The following CEP44 variants were observed in gnomAD, a reference collection of about 807,000 sequenced individuals.
CEP44 encodes the protein centrosomal protein 44, also known as centrosomal protein of 44 kDa.
Under a neutral mutation model 46.7 loss-of-function variants are expected in CEP44, and 45 were observed. The ratio of observed to expected loss-of-function variants is 0.96; its 90% CI spans 0.76 to 1.24. The LOEUF (loss-of-function observed/expected upper bound fraction) is 1.24. Among genes scored for constraint, CEP44 ranks in the 50% most tolerant of loss-of-function variants. CEP44 has a pLI of 0.00. For missense variants in CEP44, 475 were observed against 459.7 expected (o/e 1.03, Z -0.30); for synonymous variants, 142 against 146.0 (o/e 0.97, Z 0.20).
chr4:174,322,188 A>G (rs1359802423), downstream of CEP44, among the ~76,000 whole-genome samples: 2 of 152,180 alleles, frequency 1.3e-5, no homozygotes, highest in Non-Finnish European at 2.9e-5. Context: ...AAAGTTTAAA[A>G]GCATTTCAGT....
At chr4:174,327,078 T>C (rs1322757799) in intron 8 of CEP44, among the ~76,000 whole-genome samples, 8 of 150,692 alleles carry the variant, frequency 5.3e-5, no homozygotes, top group Non-Finnish European at 1.2e-4. Context: ...TACTTCTAGA[T>C]AGGAGCCATA....
At chr4:174,315,341 T>C (rs1741544374) in intron 9 of CEP44, among the ~76,000 whole-genome samples, 1 of 152,108 alleles carries the variant, frequency 6.6e-6, no homozygotes, top group Non-Finnish European at 1.5e-5. Flanking sequence ...GATATTTTTG[T>C]AGGGGAGATG....
intron 9 of CEP44, among the ~76,000 whole-genome samples, chr4:174,313,390 A>C (rs1230610578): frequency 6.9e-6 from 1 of 145,388 alleles, no homozygotes; most frequent in Non-Finnish European, 1.5e-5. Context: ...GGAAAAAAAA[A>C]AAAAAGGTGT....
At position 174,286,278 on chromosome 4, in the gene CEP44, C is replaced by T. The variant is rs1248217004; in HGVS notation, c.-148+2335C>T. Among the ~76,000 whole-genome samples, 1 of 152,060 alleles carries T rather than the reference C, an allele frequency of 6.6e-6. No individual in the cohort carries two copies. Among genetic ancestry groups the T allele is most frequent in the Non-Finnish European group, 1.5e-5 (1 of 68,002 alleles). On this transcript the variant is annotated intron_variant, in intron 1 of 11. Transcript: ENST00000503780. This position sits in a 1 kb window ranked among gnomAD's most constrained non-coding sequence, Gnocchi z 5.2. ...ATTTAGGATTTTGTAAATCGGTGAC[C>T]TTCTTACCTTTCCTTATTTAAAGAT... is the stretch of plus-strand genomic sequence containing the variant.
intron 1 of CEP44, among the ~76,000 whole-genome samples, chr4:174,284,518 C>T (rs984167505): frequency 6.6e-6 from 1 of 152,172 alleles, no homozygotes; most frequent in African/African-American, 2.4e-5. Flanking sequence ...ATTTCTCCAC[C>T]TTTATTGAAG....
At position 174,314,760 on chromosome 4, in the gene CEP44, T is replaced by G. The variant is rs1741468301; in HGVS notation, c.962-1406T>G. On this transcript the variant is annotated intron_variant, in intron 9 of 11. Transcript: ENST00000503780. This position sits in a 1 kb window ranked among gnomAD's most constrained non-coding sequence, Gnocchi z 4.1. ...TCCTGCCTAATTTCAAATTATTTCT[T>G]AAAATAACCTCTTGTCCATAGCTCC... Among the ~76,000 whole-genome samples, 1 of 152,202 alleles carries G rather than the reference T, an allele frequency of 6.6e-6. No homozygotes were observed. Among genetic ancestry groups the G allele is most frequent in the Non-Finnish European group, 1.5e-5 (1 of 68,028 alleles).
chr4:174,284,544 C>T (rs1737345484), intron 1 of CEP44, among the ~76,000 whole-genome samples: 1 of 152,170 alleles, frequency 6.6e-6, no homozygotes, highest in Non-Finnish European at 1.5e-5. Context: ...AGATTTTTCC[C>T]TCACTGTAAC....
exon 9 of CEP44, chr4:174,332,457 A>G (rs186385620): frequency 1.3e-5 from 2 of 152,330 alleles, no homozygotes; most frequent in East Asian, 3.9e-4. Flanking sequence ...TCCATAGGCC[A>G]TATGTAATAG....
chr4:174,299,908 T>C (rs571851370), intron 3 of CEP44, among the ~76,000 whole-genome samples: 57 of 152,328 alleles, frequency 3.7e-4, no homozygotes, highest in African/African-American at 1.3e-3. Context: ...TCATGACACT[T>C]ACCCTTAACC....
rs879508698 is a variant in CEP44, at chr4:174,290,768, A to G, written c.-148+6825A>G. On this transcript the variant is annotated intron_variant, in intron 1 of 11. Transcript: ENST00000503780. The surrounding 1 kb of genome is among the most constrained non-coding windows in gnomAD (Gnocchi z 4.3). ...GTATCAAAGTCTCCTTCTATATTGT[A>G]TCGATATCTATTTCTTCCTTCAAAT... Among the ~76,000 whole-genome samples, 3 of 152,320 alleles carry G rather than the reference A, an allele frequency of 2.0e-5. No homozygotes were observed. The highest frequency in any genetic ancestry group is 2.9e-5 in the Non-Finnish European group (2 of 68,018).
At position 174,329,133 on chromosome 4, in the gene CEP44, C is replaced by T. The variant is rs1401272478; in HGVS notation, c.1087-2349C>T. ...GGATTTTTTTTTATTGGTATTTTTT[C>T]GGATTTGGGATCTCACTATGCTGCC... On this transcript the variant is annotated intron_variant, in intron 8 of 8. Coordinates refer to the CEP44 transcript ENST00000426172. This position sits in a 1 kb window ranked among gnomAD's most constrained non-coding sequence, Gnocchi z 4.0. 1.3e-5 allele frequency among the ~76,000 whole-genome samples: 2 copies of T among 151,722 alleles called. No individual in the cohort carries two copies. Among genetic ancestry groups the T allele is most frequent in the Non-Finnish European group, 1.5e-5 (1 of 67,944 alleles).
Position 174,290,112 on chromosome 4 carries a change from C to G in CEP44, c.-148+6169C>G, listed in dbSNP as rs145731123. 1.3e-5 allele frequency among the ~76,000 whole-genome samples: 2 copies of G among 152,242 alleles called. No individual in the cohort carries two copies. The highest frequency in any genetic ancestry group is 3.9e-4 in the East Asian group (2 of 5,180). On this transcript the variant is annotated intron_variant, in intron 1 of 11. Transcript: ENST00000503780. This position sits in a 1 kb window ranked among gnomAD's most constrained non-coding sequence, Gnocchi z 4.3. ...CTAGTGACCCGCCTGCCTCAGCCCCCAAAAGTGCTAGGATTATAGGCGTGA... is the reference window on the plus strand; with the variant it reads ...CTAGTGACCCGCCTGCCTCAGCCCCGAAAAGTGCTAGGATTATAGGCGTGA...
At chr4:174,313,145 G>A (rs1433213426) in intron 9 of CEP44, among the ~76,000 whole-genome samples, 2 of 150,770 alleles carry the variant, frequency 1.3e-5, no homozygotes, top group African/African-American at 2.5e-5. Flanking sequence ...TCATTTATGT[G>A]GTTACATGGT....
chr4:174,312,165 A>G lies in CEP44; in HGVS notation c.961+1307A>G, dbSNP rs1459793048. ...ATTGAATGCTTGTGATTTGCAAAAC[A>G]TTGCCTTTTTCAAGTTTGATTTTGC... On this transcript the variant is annotated intron_variant, in intron 9 of 11. Coordinates refer to ENST00000503780, the MANE Select transcript of CEP44 (RefSeq NM_001040157.3). The surrounding 1 kb of genome is among the most constrained non-coding windows in gnomAD (Gnocchi z 4.5). Among the ~76,000 whole-genome samples the G allele has an allele frequency of 6.6e-6, 1 of 151,886 alleles. No individual in the cohort carries two copies. The highest frequency in any genetic ancestry group is 1.5e-5 in the Non-Finnish European group (1 of 67,964).
At chr4:174,322,467 ATAGTT>A (rs1205004022), downstream of CEP44, among the ~76,000 whole-genome samples, 1 of 152,112 alleles carries the variant, frequency 6.6e-6, no homozygotes, top group Non-Finnish European at 1.5e-5. Flanking sequence ...GGTCCCTAGA[ATAGTT>A]TAGATTCCCT....
At chr4:174,298,990 A>G (rs549454056) in intron 2 of CEP44, 82 bp from the exon 3 acceptor site, 2 of 674,942 alleles carry the variant, frequency 3.0e-6, no homozygotes, top group Admixed American at 2.9e-5. Context: ...GTAAGTGCCA[A>G]TAGGAGATAT....
chr4:174,318,640 A>T lies in CEP44; in HGVS notation c.*1257A>T, dbSNP rs1163146429. ...TTAATATTATATGGACCATCTGATT[A>T]TATTTTATTTATTCATCTATTTATG... is the stretch of plus-strand genomic sequence containing the variant. On this transcript the variant is annotated 3_prime_UTR_variant, in exon 12 of 12. Coordinates refer to ENST00000503780, the MANE Select transcript of CEP44 (RefSeq NM_001040157.3). 1 of 603,906 alleles carries T rather than the reference A, an allele frequency of 1.7e-6. No homozygotes were observed. Among genetic ancestry groups the T allele is most frequent in the Non-Finnish European group, 2.1e-6 (1 of 482,784 alleles). 37.4% of individuals were successfully genotyped at this position (603,906 alleles called of 1,614,324 possible). A position where few individuals can be genotyped will look rare whatever the true frequency, so the allele number is the denominator to read the frequency against.
chr4:174,297,956 T>G lies in CEP44; in HGVS notation c.-147-10T>G, dbSNP rs889568121. The G allele has an allele frequency of 4.6e-5, 7 of 152,150 alleles. No individual in the cohort carries two copies. Among genetic ancestry groups the G allele is most frequent in the East Asian group, 3.9e-4 (2 of 5,176 alleles). The allele number at this position is 152,150 out of a possible 1,614,324, so 9.4% of individuals were successfully genotyped here. A position where few individuals can be genotyped will look rare whatever the true frequency, so the allele number is the denominator to read the frequency against. ...TTTCAGCCCCCTGGACTTACCCCTT[T>G]GTCTTTCAGAAGCATCAAGTGTACC... is the stretch of plus-strand genomic sequence containing the variant. On this transcript the variant is annotated splice_polypyrimidine_tract_variant and intron_variant, in intron 1 of 11. Transcript: ENST00000503780. The surrounding 1 kb of genome is among the most constrained non-coding windows in gnomAD (Gnocchi z 4.3).
chr4:174,289,539 T>C (rs963091924), intron 1 of CEP44, among the ~76,000 whole-genome samples: 13 of 152,032 alleles, frequency 8.6e-5, no homozygotes, highest in Non-Finnish European at 1.9e-4. Flanking sequence ...TGGCATATAA[T>C]TGTTCATAAT....
Sources: allele counts gnomAD v4.1 joint callset (sites outside exome capture counted in the v4.1 genomes callset), GRCh38; gene constraint gnomAD v4.1.1; non-coding constraint Gnocchi (gnomAD v3.1); transcripts MANE v1.5; gene names NCBI Gene and HGNC (gene_info 2026-07-23, HGNC 2026-07-21).